TRPM3: variants seen among roughly 807,000 people sequenced by gnomAD.
The protein encoded by TRPM3 is transient receptor potential cation channel subfamily M member 3.
Under a neutral mutation model 181.2 loss-of-function variants are expected in TRPM3, and 77 were observed. The observed-to-expected ratio is 0.42, with a 90% CI of 0.35 to 0.51. The LOEUF (loss-of-function observed/expected upper bound fraction) is 0.51. Among genes scored for constraint, TRPM3 ranks in the 20% least tolerant of loss-of-function variants. The pLI, the probability that TRPM3 is intolerant of heterozygous loss-of-function variation, is 0.01. For synonymous variants in TRPM3, 745 were observed against 796.4 expected (o/e 0.94, Z 1.09); for missense variants, 1,759 against 2,196.7 (o/e 0.80, Z 3.98).
At chr9:70,994,477 G>C (rs72731743) in intron 1 of TRPM3, among the ~76,000 whole-genome samples, 1 of 151,462 alleles carries the variant, frequency 6.6e-6, no homozygotes, top group Non-Finnish European at 1.5e-5. Flanking sequence ...CTTCTCTAAA[G>C]CTCCTTACAA....
intron 1 of TRPM3, among the ~76,000 whole-genome samples, chr9:70,890,844 A>G (rs1251093365): frequency 2.0e-5 from 3 of 152,092 alleles, no homozygotes; most frequent in African/African-American, 7.2e-5. Context: ...GGGAATTCAT[A>G]AAAGGATAGA....
chr9:70,815,500 T>C (rs2092612441), intron 6 of TRPM3, among the ~76,000 whole-genome samples: 1 of 152,228 alleles, frequency 6.6e-6, no homozygotes, highest in South Asian at 2.1e-4. Flanking sequence ...TTTCTATATA[T>C]ACATAATGAC....
intron 8 of TRPM3, among the ~76,000 whole-genome samples, chr9:70,699,487 A>T (rs186429201): frequency 1.1e-4 from 17 of 152,316 alleles, no homozygotes; most frequent in East Asian, 3.9e-4. Flanking sequence ...TAAAAAATCA[A>T]GCTAGAAAGC....
At position 70,956,963 on chromosome 9, in the gene TRPM3, T is replaced by TTC. The variant is rs201536772; in HGVS notation, c.178-92453_178-92452insGA. Among the ~76,000 whole-genome samples the TTC allele has an allele frequency of 1.6e-3, 181 of 116,144 alleles. 1 individual carries two copies. Among genetic ancestry groups the TTC allele is most frequent in the Admixed American group, 7.2e-3 (89 of 12,358 alleles). The allele number at this position is 116,144 out of a possible 152,430, so 76.2% of individuals were successfully genotyped here. A position where few individuals can be genotyped will look rare whatever the true frequency, so the allele number is the denominator to read the frequency against. ...ATTTTAGTTACATTTCTTTCTTTCTTTTTTTTTTTTTTTTTGATACCAAGT... is the reference window on the plus strand; with the variant it reads ...ATTTTAGTTACATTTCTTTCTTTCTTTCTTTTTTTTTTTTTTTGATACCAAGT... On this transcript the variant is annotated intron_variant, in intron 1 of 25. Coordinates refer to ENST00000677713, the MANE Select transcript of TRPM3 (RefSeq NM_001366145.2).
chr9:71,053,106 A>T (rs1056491244), intron 1 of TRPM3, among the ~76,000 whole-genome samples: 5 of 150,640 alleles, frequency 3.3e-5, no homozygotes, highest in Non-Finnish European at 5.9e-5. Flanking sequence ...AAAAAAAAAA[A>T]AAAAAAAAAA....
chr9:71,061,561 C>CTGGGAGTCTGGA (rs2061337214), intron 1 of TRPM3, among the ~76,000 whole-genome samples: 1 of 152,070 alleles, frequency 6.6e-6, no homozygotes, highest in Non-Finnish European at 1.5e-5. Flanking sequence ...TGCATTCCTC[C>CTGGGAGTCTGGA]TGGGAGTCTG....
At chr9:70,770,109 GGT>G (rs34624054) in intron 7 of TRPM3, among the ~76,000 whole-genome samples, 33,174 of 152,018 alleles carry the variant, frequency 0.22, 4,444 homozygotes, top group Non-Finnish European at 0.3. Flanking sequence ...AAACTCAAAG[GGT>G]GTTTAGAAAT....
chr9:71,420,727 G>GAGAAAGAGAA (rs753517052), intron 1 of TRPM3, among the ~76,000 whole-genome samples: 3,749 of 45,160 alleles, frequency 0.083, 350 homozygotes, highest in Non-Finnish European at 0.11. Flanking sequence ...GAGAAAGAGA[G>GAGAAAGAGAA]AGAGAGAGAA....
chr9:70,607,166 C>T (rs1238997383), intron 19 of TRPM3, among the ~76,000 whole-genome samples: 1 of 152,172 alleles, frequency 6.6e-6, no homozygotes, highest in Non-Finnish European at 1.5e-5. Flanking sequence ...CCTAGAGAAA[C>T]TTGCTACGAT....
At chr9:70,806,604 C>T (rs1243181858) in intron 6 of TRPM3, among the ~76,000 whole-genome samples, 1 of 151,932 alleles carries the variant, frequency 6.6e-6, no homozygotes, top group Non-Finnish European at 1.5e-5. Context: ...GCAGAAGAAT[C>T]GCTGGAACAC....
chr9:70,754,720 G>A (rs1489275164), intron 8 of TRPM3, among the ~76,000 whole-genome samples: 1 of 152,114 alleles, frequency 6.6e-6, no homozygotes, highest in Non-Finnish European at 1.5e-5. Flanking sequence ...CGGTTAGACT[G>A]GCCTCATAAT....
chr9:71,233,004 C>A (rs1565367869), intron 1 of TRPM3, among the ~76,000 whole-genome samples: 1 of 152,134 alleles, frequency 6.6e-6, no homozygotes, highest in Admixed American at 6.5e-5. Context: ...CAGCCTTCAT[C>A]CAGGAGAGAC....
chr9:70,537,847 T>C (rs1049629635), intron 25 of TRPM3, among the ~76,000 whole-genome samples: 1 of 152,190 alleles, frequency 6.6e-6, no homozygotes, highest in African/African-American at 2.4e-5. Context: ...AATGAGAATG[T>C]TGCATTTTGA....
At chr9:71,042,421 A>T (rs2058933746) in intron 1 of TRPM3, among the ~76,000 whole-genome samples, 1 of 151,948 alleles carries the variant, frequency 6.6e-6, no homozygotes, top group Non-Finnish European at 1.5e-5. Flanking sequence ...CTTGTCACCA[A>T]AATAGATGGC....
chr9:70,981,075 T>C (rs1365645314), intron 1 of TRPM3, among the ~76,000 whole-genome samples: 1 of 152,204 alleles, frequency 6.6e-6, no homozygotes, highest in Non-Finnish European at 1.5e-5. Flanking sequence ...GATTTTTAAA[T>C]TACCATGAGC....
chr9:71,268,503 G>A (rs1565403159), intron 1 of TRPM3, among the ~76,000 whole-genome samples: 1 of 152,104 alleles, frequency 6.6e-6, no homozygotes. Context: ...AAGCCTGAAT[G>A]TCCTAGCATG....
intron 6 of TRPM3, among the ~76,000 whole-genome samples, chr9:70,807,780 G>A (rs1243296334): frequency 6.6e-6 from 1 of 152,248 alleles, no homozygotes; most frequent in African/African-American, 2.4e-5. Flanking sequence ...GGCTGATATA[G>A]AGCACAGCAA....
chr9:71,444,103 AGG>A, intron 1 of TRPM3, among the ~76,000 whole-genome samples: 1 of 144,470 alleles, frequency 6.9e-6, no homozygotes, highest in East Asian at 2.1e-4. Flanking sequence ...CACTTGAACC[AGG>A]GAGGCGGAAG....
At chr9:71,234,319 T>G (rs2081240688) in intron 1 of TRPM3, among the ~76,000 whole-genome samples, 1 of 152,148 alleles carries the variant, frequency 6.6e-6, no homozygotes, top group Non-Finnish European at 1.5e-5. Context: ...CTCAATTCAG[T>G]ATGGGAGGGA....
Sources: gnomAD v4.1 joint callset for allele counts (sites outside exome capture counted in the v4.1 genomes callset) on GRCh38, gnomAD v4.1.1 for gene constraint, MANE v1.5 for transcripts, NCBI Gene and HGNC (gene_info 2026-07-23, HGNC 2026-07-21) for gene names.